The following ZRANB3 variants were observed in gnomAD, a reference collection of about 807,000 sequenced individuals.
The protein encoded by ZRANB3 is zinc finger RANBP2-type containing 3.
In ZRANB3, 125 loss-of-function variants were observed where a neutral mutation model predicts 133.8. The observed-to-expected ratio is 0.93, with a 90% CI of 0.81 to 1.08. ZRANB3 has a LOEUF of 1.08. Among genes scored for constraint, ZRANB3 ranks in the 50% least tolerant of loss-of-function variants. The pLI, the probability that ZRANB3 is intolerant of heterozygous loss-of-function variation, is 0.00. For missense variants in ZRANB3, 1,229 were observed against 1,275.5 expected (o/e 0.96, Z 0.56); for synonymous variants, 387 against 432.7 (o/e 0.89, Z 1.31).
At chr2:135,232,054 G>A (rs1365991765) in intron 12 of ZRANB3, among the ~76,000 whole-genome samples, 1 of 152,190 alleles carries the variant, frequency 6.6e-6, no homozygotes, top group Non-Finnish European at 1.5e-5. Context: ...AAAGAAAGAG[G>A]TGACAGATGG....
chr2:135,297,499 G>T (rs1682194535), intron 8 of ZRANB3, among the ~76,000 whole-genome samples: 2 of 152,206 alleles, frequency 1.3e-5, no homozygotes, highest in Non-Finnish European at 2.9e-5. Context: ...ACTAGGAAAG[G>T]GAATTCCCTG....
intron 3 of ZRANB3, among the ~76,000 whole-genome samples, chr2:135,382,627 C>A (rs1442104268): frequency 6.6e-6 from 1 of 152,218 alleles, no homozygotes; most frequent in Non-Finnish European, 1.5e-5. Flanking sequence ...GCCCATCAGA[C>A]TAACGGCGGA....
At chr2:135,331,283 A>T (rs1353244203) in intron 6 of ZRANB3, among the ~76,000 whole-genome samples, 1 of 152,158 alleles carries the variant, frequency 6.6e-6, no homozygotes, top group Non-Finnish European at 1.5e-5. Flanking sequence ...ATTGGTTTCA[A>T]AGAACACCTT....
chr2:135,497,780 C>T lies in ZRANB3; in HGVS notation c.161+6549G>A, dbSNP rs116772383. Among the ~76,000 whole-genome samples, 457 of 152,162 alleles carry T rather than the reference C, an allele frequency of 3.0e-3. 1 individual carries two copies. The highest frequency in any genetic ancestry group is 0.01 in the African/African-American group (428 of 41,516). On this transcript the variant is annotated intron_variant, in intron 2 of 20. Transcript: ENST00000264159. ...AAAAATAAGTAAGTGAGGCTGAGCG[C>T]GGTGGCTCACACTTATCATCCCAGT...
At position 135,229,468 on chromosome 2, in the gene ZRANB3, C is replaced by T. The variant is rs531340818; in HGVS notation, c.1954+1045G>A. Among the ~76,000 whole-genome samples the T allele has an allele frequency of 6.6e-5, 10 of 150,796 alleles. No individual in the cohort carries two copies. In the South Asian group the frequency reaches 8.4e-4, roughly 13 times the overall value. ...CTGCAAGCTCCGCCTCCCGGGTTCA[C>T]GCCATTCTCCTGCCTCAGCCTCCCG... On this transcript the variant is annotated intron_variant, in intron 13 of 20. Transcript: ENST00000264159.
intron 12 of ZRANB3, among the ~76,000 whole-genome samples, chr2:135,261,474 A>G (rs1261929410): frequency 6.6e-6 from 1 of 152,180 alleles, no homozygotes; most frequent in Non-Finnish European, 1.5e-5. Context: ...AAAACCAACA[A>G]AAGATCCCTA....
At chr2:135,253,238 C>T (rs1054326782) in intron 12 of ZRANB3, among the ~76,000 whole-genome samples, 8 of 152,160 alleles carry the variant, frequency 5.3e-5, no homozygotes, top group Non-Finnish European at 1.0e-4. Flanking sequence ...GGCCTGCCAA[C>T]GCAGGCTTGT....
At position 135,216,890 on chromosome 2, in the gene ZRANB3, T is replaced by G. The variant is rs534861810; in HGVS notation, c.2495+575A>C. On this transcript the variant is annotated intron_variant, in intron 17 of 20. Coordinates refer to ENST00000264159, the MANE Select transcript of ZRANB3 (RefSeq NM_032143.4). ...TTGAGTGGGATAAAGATGATTGTGATGACAAGGAAGGAAATCAATGTACAG... is the reference window on the plus strand; with the variant it reads ...TTGAGTGGGATAAAGATGATTGTGAGGACAAGGAAGGAAATCAATGTACAG... Among the ~76,000 whole-genome samples the G allele has an allele frequency of 4.6e-5, 7 of 152,304 alleles. No individual in the cohort carries two copies. The South Asian group carries it at 8.3e-4, about 18-fold the overall frequency.
At chr2:135,328,383 G>A (rs900094644) in intron 6 of ZRANB3, among the ~76,000 whole-genome samples, 11 of 152,032 alleles carry the variant, frequency 7.2e-5, no homozygotes, top group African/African-American at 2.7e-4. Context: ...CGCTGCAAAG[G>A]ACATGAACTC....
intron 1 of ZRANB3, among the ~76,000 whole-genome samples, chr2:135,514,083 C>T (rs1693595270): frequency 6.6e-6 from 1 of 152,152 alleles, no homozygotes; most frequent in African/African-American, 2.4e-5. Context: ...GTGATGCCTC[C>T]AGCTTTGTTC....
At chr2:135,213,539 G>A (rs1208886367) in intron 17 of ZRANB3, among the ~76,000 whole-genome samples, 1 of 152,118 alleles carries the variant, frequency 6.6e-6, no homozygotes, top group Admixed American at 6.5e-5. Context: ...TGCTAAGTTG[G>A]TTTCCCTGGA....
intron 2 of ZRANB3, among the ~76,000 whole-genome samples, chr2:135,444,945 C>T (rs1689948236): frequency 6.6e-6 from 1 of 152,120 alleles, no homozygotes; most frequent in South Asian, 2.1e-4. Context: ...TTTAGCTACT[C>T]TGGGGAGTAT....
intron 2 of ZRANB3, among the ~76,000 whole-genome samples, chr2:135,417,969 G>A (rs1326652226): frequency 6.6e-6 from 1 of 152,088 alleles, no homozygotes. Context: ...GTGGGGTGGG[G>A]GAAGCGGGGA....
At chr2:135,417,933 G>A (rs1012375217) in intron 2 of ZRANB3, among the ~76,000 whole-genome samples, 4 of 152,194 alleles carry the variant, frequency 2.6e-5, no homozygotes, top group East Asian at 3.9e-4. Flanking sequence ...ACACAGGAAG[G>A]AGAACATCAC....
chr2:135,310,573 G>T (rs1198999407), intron 8 of ZRANB3, among the ~76,000 whole-genome samples: 1 of 152,054 alleles, frequency 6.6e-6, no homozygotes, highest in East Asian at 1.9e-4. Context: ...TTAGCTATGG[G>T]ATATGTTCTC....
At chr2:135,480,985 G>A (rs1691770245) in intron 2 of ZRANB3, among the ~76,000 whole-genome samples, 1 of 150,978 alleles carries the variant, frequency 6.6e-6, no homozygotes, top group Non-Finnish European at 1.5e-5. Flanking sequence ...TGGTGTATAT[G>A]TGCCACATTT....
chr2:135,282,287 C>T (rs983032311), intron 8 of ZRANB3, among the ~76,000 whole-genome samples: 1 of 152,200 alleles, frequency 6.6e-6, no homozygotes, highest in Non-Finnish European at 1.5e-5. Flanking sequence ...TTCTGCAGCT[C>T]ACCACAAAAG....
At chr2:135,339,935 T>C (rs1162004085) in intron 6 of ZRANB3, among the ~76,000 whole-genome samples, 1 of 152,152 alleles carries the variant, frequency 6.6e-6, no homozygotes, top group Non-Finnish European at 1.5e-5. Context: ...TGACACCTTT[T>C]AAATTCTTAC....
chr2:135,519,293 C>T (rs1163382100), intron 1 of ZRANB3, among the ~76,000 whole-genome samples: 1 of 151,956 alleles, frequency 6.6e-6, no homozygotes, highest in Non-Finnish European at 1.5e-5. Flanking sequence ...TTATTTCTTA[C>T]AATTTCCCGT....
Sources: allele counts gnomAD v4.1 joint callset (sites outside exome capture counted in the v4.1 genomes callset), GRCh38; gene constraint gnomAD v4.1.1; transcripts MANE v1.5; gene names NCBI Gene and HGNC (gene_info 2026-07-23, HGNC 2026-07-21).